GRM7: variants seen among roughly 807,000 people sequenced by gnomAD.
The protein encoded by GRM7 is glutamate metabotropic receptor 7.
Under a neutral mutation model 84.5 loss-of-function variants are expected in GRM7, and 35 were observed. The observed-to-expected ratio is 0.41, with a 90% CI of 0.32 to 0.55. GRM7 has a LOEUF of 0.55. GRM7 is among the 20% of genes least tolerant of loss of function. The pLI is 0.19. For missense variants in GRM7, 1,003 were observed against 1,194.6 expected, an observed-to-expected ratio of 0.84 and a Z score of 2.36; for synonymous variants, 487 against 455.1, an observed-to-expected ratio of 1.07 and a Z score of -0.89.
intron 7 of GRM7, among the ~76,000 whole-genome samples, chr3:7,503,072 C>G (rs1435272352): frequency 6.6e-6 from 1 of 152,090 alleles, no homozygotes; most frequent in African/African-American, 2.4e-5. Context: ...TATACTGTGT[C>G]TACTTACAAT....
At chr3:7,500,826 G>T (rs551809566) in intron 7 of GRM7, among the ~76,000 whole-genome samples, 1 of 152,138 alleles carries the variant, frequency 6.6e-6, no homozygotes, top group Non-Finnish European at 1.5e-5. Context: ...TGTGACAGAC[G>T]TGCACTGGGG....
At chr3:7,259,832 G>T (rs1283688485) in intron 2 of GRM7, among the ~76,000 whole-genome samples, 1 of 152,046 alleles carries the variant, frequency 6.6e-6, no homozygotes, top group African/African-American at 2.4e-5. Context: ...GGATTGAATA[G>T]CAGTTCTGTT....
chr3:7,357,819 C>A (rs572569407), intron 4 of GRM7, among the ~76,000 whole-genome samples: 4 of 152,080 alleles, frequency 2.6e-5, no homozygotes, highest in African/African-American at 9.6e-5. Context: ...GTATTCATGT[C>A]TTTATCAAAA....
At chr3:7,128,039 G>C (rs1693459810) in intron 1 of GRM7, among the ~76,000 whole-genome samples, 1 of 151,720 alleles carries the variant, frequency 6.6e-6, no homozygotes, top group African/African-American at 2.4e-5. Context: ...AAGATGGCCA[G>C]TAAAAGACTA....
intron 7 of GRM7, among the ~76,000 whole-genome samples, chr3:7,493,203 T>A (rs911012365): frequency 6.6e-6 from 1 of 152,078 alleles, no homozygotes; most frequent in African/African-American, 2.4e-5. Flanking sequence ...ACTATATTGT[T>A]CATGTTGTTT....
At chr3:7,322,956 G>A (rs543058314) in intron 4 of GRM7, among the ~76,000 whole-genome samples, 4 of 152,158 alleles carry the variant, frequency 2.6e-5, no homozygotes, top group East Asian at 1.9e-4. Context: ...AAGCAGAGTC[G>A]AACTCAGGGA....
chr3:6,893,067 A>G (rs1455225182), intron 1 of GRM7: 1 of 152,150 alleles, frequency 6.6e-6, no homozygotes, highest in Non-Finnish European at 1.5e-5. Flanking sequence ...AGGGCATATC[A>G]TCTTAATAAC....
chr3:6,892,386 T>C (rs1695994944), intron 1 of GRM7, among the ~76,000 whole-genome samples: 1 of 152,170 alleles, frequency 6.6e-6, no homozygotes, highest in Non-Finnish European at 1.5e-5. Flanking sequence ...TTCTATAATT[T>C]TGATAGCGTG....
chr3:7,484,375 A>G (rs887436344), intron 7 of GRM7, among the ~76,000 whole-genome samples: 1 of 152,176 alleles, frequency 6.6e-6, no homozygotes, highest in East Asian at 1.9e-4. Context: ...CACTGTGGCT[A>G]TCTTCTAAAA....
intron 1 of GRM7, among the ~76,000 whole-genome samples, chr3:7,103,738 TTC>T (rs1175576480): frequency 7.0e-6 from 1 of 142,742 alleles, no homozygotes; most frequent in Non-Finnish European, 1.5e-5. Context: ...CTTTTTCTCT[TTC>T]TCTCTCTCCC....
chr3:7,260,941 G>C (rs763443968), intron 2 of GRM7, among the ~76,000 whole-genome samples: 12 of 152,226 alleles, frequency 7.9e-5, no homozygotes, highest in Middle Eastern at 3.4e-3. Context: ...TAGTTTCAAA[G>C]AACTTCTTGA....
intron 1 of GRM7, among the ~76,000 whole-genome samples, chr3:7,090,528 A>G (rs970981896): frequency 2.0e-5 from 3 of 152,216 alleles, no homozygotes; most frequent in Non-Finnish European, 4.4e-5. Flanking sequence ...GAAGGCTTCA[A>G]CCAGCTAACA....
chr3:7,460,586 G>T (rs1385022075), intron 6 of GRM7, among the ~76,000 whole-genome samples: 1 of 152,114 alleles, frequency 6.6e-6, no homozygotes, highest in East Asian at 1.9e-4. Flanking sequence ...TCCAGTATTA[G>T]CCTATAGACA....
intron 7 of GRM7, among the ~76,000 whole-genome samples, chr3:7,509,749 G>A (rs953246710): frequency 2.0e-5 from 3 of 152,040 alleles, no homozygotes; most frequent in Non-Finnish European, 4.4e-5. Flanking sequence ...CTGAGTACGT[G>A]ACAAGCGGGG....
chr3:7,227,726 A>G (rs1327046652), intron 2 of GRM7, among the ~76,000 whole-genome samples: 1 of 152,200 alleles, frequency 6.6e-6, no homozygotes, highest in Admixed American at 6.5e-5. Context: ...GGGCAGCATT[A>G]TCTCCACATG....
chr3:7,513,857 T>C (rs186359474), intron 7 of GRM7, among the ~76,000 whole-genome samples: 3 of 152,264 alleles, frequency 2.0e-5, no homozygotes, highest in Non-Finnish European at 4.4e-5. Flanking sequence ...GAACTTCCAG[T>C]GCAAAGGAAG....
At chr3:7,104,005 A>G (rs369117072) in intron 1 of GRM7, among the ~76,000 whole-genome samples, 3 of 151,734 alleles carry the variant, frequency 2.0e-5, no homozygotes, top group East Asian at 3.9e-4. Context: ...CCAAATTTAT[A>G]TGTTGAAGCC....
At chr3:6,957,604 C>G (rs1323623629) in intron 1 of GRM7, among the ~76,000 whole-genome samples, 3 of 152,130 alleles carry the variant, frequency 2.0e-5, no homozygotes, top group Non-Finnish European at 4.4e-5. Context: ...TGCTGCAGAC[C>G]AATTTCATTC....
rs1701550624 is a variant in GRM7 at position 7,710,695 on chromosome 3, G to T, written c.2699-29662G>T. Among the ~76,000 whole-genome samples the T allele has an allele frequency of 2.6e-5, 4 of 152,154 alleles. No individual in the cohort carries two copies. In the South Asian group the frequency reaches 6.2e-4, roughly 24 times the overall value. The stretch of plus-strand genomic sequence containing the variant: ...CCCCGGTAAACTTCACAAGCCAGAA[G>T]ATGCTGGGCTCTTTCCTTCACTGTG... On this transcript the variant is annotated intron_variant, in intron 9 of 9. Transcript: ENST00000357716.
Sources: allele counts gnomAD v4.1 joint callset (sites outside exome capture counted in the v4.1 genomes callset), GRCh38; gene constraint gnomAD v4.1.1; transcripts MANE v1.5; gene names NCBI Gene and HGNC (gene_info 2026-07-23, HGNC 2026-07-21).